The following SNRPN variants were observed in gnomAD, a reference collection of about 807,000 sequenced individuals.
The protein encoded by SNRPN is small nuclear ribonucleoprotein-associated protein N.
SNRPN carries 7 observed loss-of-function variants against 25.2 expected under a neutral mutation model. That is an observed-to-expected ratio of 0.28 (90% CI 0.16 to 0.52). The LOEUF is 0.52. Among genes scored for constraint, SNRPN ranks in the 20% least tolerant of loss-of-function variants. The pLI, the probability that SNRPN is intolerant of heterozygous loss-of-function variation, is 0.96. For missense variants in SNRPN, 196 were observed against 322.5 expected, an observed-to-expected ratio of 0.61 and a Z score of 3.00; for synonymous variants, 124 against 110.6, an observed-to-expected ratio of 1.12 and a Z score of -0.76.
intron 2 of SNRPN, among the ~76,000 whole-genome samples, chr15:24,905,365 T>G (rs2058729274): frequency 6.6e-6 from 1 of 151,648 alleles, no homozygotes; most frequent in South Asian, 2.1e-4. Flanking sequence ...AAAAATTAAC[T>G]GGGCATGGTG....
chr15:24,852,001 G>T (rs768096907), upstream of SNRPN: 1 of 152,144 alleles, frequency 6.6e-6, no homozygotes, highest in African/African-American at 2.4e-5. Context: ...CATAGAAAAA[G>T]TTACTTACAT....
In SNRPN at chr15:24,978,392, C is replaced by G. The variant is rs751048226; in HGVS notation, c.686-15C>G. On this transcript the variant is annotated splice_polypyrimidine_tract_variant and intron_variant, in intron 9 of 9. Coordinates refer to ENST00000390687, the MANE Select transcript of SNRPN (RefSeq NM_003097.6). ...GTGTATCCTCTTTTTCTCAATGTTTCTATTTCCTTTCCAGGTCCACCTCCC... is the reference window on the plus strand; with the variant it reads ...GTGTATCCTCTTTTTCTCAATGTTTGTATTTCCTTTCCAGGTCCACCTCCC... The G allele has an allele frequency of 3.8e-5, 61 of 1,613,954 alleles. No homozygotes were observed. In the South Asian group the frequency reaches 6.5e-4, roughly 17 times the overall value.
chr15:24,946,330 C>T (rs867049624), intron 3 of SNRPN, among the ~76,000 whole-genome samples: 1 of 152,064 alleles, frequency 6.6e-6, no homozygotes, highest in African/African-American at 2.4e-5. Context: ...TAGCTTCAGC[C>T]TAGGAGGTCG....
intron 2 of SNRPN, among the ~76,000 whole-genome samples, chr15:24,836,917 T>C (rs2051248746): frequency 6.6e-6 from 1 of 152,106 alleles, no homozygotes. Flanking sequence ...AAGTTTGATA[T>C]TCCTTCCCTT....
intron 3 of SNRPN, among the ~76,000 whole-genome samples, chr15:24,930,878 G>A (rs558128394): frequency 6.7e-5 from 10 of 150,186 alleles, no homozygotes; most frequent in African/African-American, 9.8e-5. Flanking sequence ...CAGCTTGGGC[G>A]ACAAAGCAAG....
chr15:24,920,187 C>T (rs1049444840), intron 3 of SNRPN: 1 of 152,164 alleles, frequency 6.6e-6, no homozygotes, highest in African/African-American at 2.4e-5. Context: ...CATGCACATC[C>T]TGTCTAGTCT....
At chr15:24,873,508 TG>T (rs1425112390) in intron 1 of SNRPN, among the ~76,000 whole-genome samples, 2 of 146,600 alleles carry the variant, frequency 1.4e-5, no homozygotes, top group African/African-American at 5.0e-5. Context: ...AGTGCAGTGG[TG>T]CAATCTTGGC....
At chr15:24,952,722 A>G (rs1354678606), upstream of SNRPN, among the ~76,000 whole-genome samples, 2 of 152,198 alleles carry the variant, frequency 1.3e-5, no homozygotes, top group Non-Finnish European at 2.9e-5. Context: ...TTGAGAATTG[A>G]ATATAATTTT....
chr15:24,909,087 C>T, intron 2 of SNRPN: 2 of 1,402,324 alleles, frequency 1.4e-6, no homozygotes, highest in South Asian at 1.2e-5. Flanking sequence ...TCTCGTATAG[C>T]AGCATGAGCT....
At chr15:24,930,631 C>T (rs2060771505) in intron 3 of SNRPN, among the ~76,000 whole-genome samples, 1 of 150,534 alleles carries the variant, frequency 6.6e-6, no homozygotes, top group African/African-American at 2.4e-5. Flanking sequence ...GTGGCTCACG[C>T]CTGTAATCCC....
chr15:24,931,607 G>C (rs369876499), intron 3 of SNRPN, among the ~76,000 whole-genome samples: 4 of 151,628 alleles, frequency 2.6e-5, no homozygotes, highest in Admixed American at 2.6e-4. Context: ...GTGGAGGGGC[G>C]GGGGGTGAAT....
chr15:24,977,661 A>C, intron 7 of SNRPN, 117 bp from the exon 8 acceptor site: 1 of 998,530 alleles, frequency 1.0e-6, no homozygotes, highest in Non-Finnish European at 1.4e-6. Context: ...GAATAATGAG[A>C]GAAGTACATT....
chr15:24,895,261 C>T (rs1037802430), intron 2 of SNRPN, among the ~76,000 whole-genome samples: 2 of 152,066 alleles, frequency 1.3e-5, no homozygotes, highest in Non-Finnish European at 2.9e-5. Flanking sequence ...CCTCTTTCAG[C>T]GAAAGGTGAG....
At chr15:24,894,252 T>C (rs11161155) in intron 2 of SNRPN, among the ~76,000 whole-genome samples, 50,736 of 150,966 alleles carry the variant, frequency 0.34, 8,830 homozygotes, top group East Asian at 0.45. Context: ...GGAGTCTCGC[T>C]CTGTCGCCCA....
chr15:24,949,011 T>C (rs1159478394), intron 3 of SNRPN, among the ~76,000 whole-genome samples: 1 of 31,850 alleles, frequency 3.1e-5, no homozygotes, highest in Non-Finnish European at 6.0e-5. Flanking sequence ...TTGCCTATTC[T>C]TTTTTTTTTT....
At chr15:24,880,804 C>T (rs1384890207) in intron 1 of SNRPN, among the ~76,000 whole-genome samples, 2 of 151,974 alleles carry the variant, frequency 1.3e-5, no homozygotes, top group African/African-American at 4.8e-5. Context: ...AGTGGAATGG[C>T]ATGATCTTGG....
At chr15:24,836,889 A>C (rs1291040969) in intron 2 of SNRPN, among the ~76,000 whole-genome samples, 1 of 152,150 alleles carries the variant, frequency 6.6e-6, no homozygotes, top group East Asian at 1.9e-4. Flanking sequence ...CTGACTGTTC[A>C]GGTTCTTCTT....
rs190136863 is a variant in SNRPN at position 24,902,714 on chromosome 15, G to A, written c.-505+16125G>A. 4.4e-3 allele frequency among the ~76,000 whole-genome samples: 676 copies of A among 152,272 alleles called. 5 individuals are homozygous for A. The highest frequency in any genetic ancestry group is 5.5e-3 in the Non-Finnish European group (375 of 68,040). ...CAGTCAGTGTTACAGCTCTCAGTCC[G>A]GAGTTGTTCCTTCCTCCAGGTGGGT... On this transcript the variant is annotated intron_variant, in intron 2 of 11. Transcript: ENST00000400097.
intron 2 of SNRPN, among the ~76,000 whole-genome samples, chr15:24,888,112 CTT>C (rs113183574): frequency 4.3e-5 from 6 of 139,890 alleles, no homozygotes; most frequent in Non-Finnish European, 6.2e-5. Context: ...TTAGAAATGA[CTT>C]TTTTTTTTTT....
Sources: gnomAD v4.1 joint callset for allele counts (sites outside exome capture counted in the v4.1 genomes callset) on GRCh38, gnomAD v4.1.1 for gene constraint, MANE v1.5 for transcripts, NCBI Gene and HGNC (gene_info 2026-07-23, HGNC 2026-07-21) for gene names.